The following KPNA3 variants were observed in gnomAD, a reference collection of about 807,000 sequenced individuals.
KPNA3 encodes the protein importin subunit alpha-4.
KPNA3 carries 13 observed loss-of-function variants against 73.8 expected under a neutral mutation model. The observed-to-expected ratio is 0.18, with a 90% CI of 0.11 to 0.28. KPNA3 has a LOEUF of 0.28. Ranked by LOEUF, KPNA3 falls within the 10% of genes least tolerant of loss-of-function variation. The pLI is 1.00. For synonymous variants in KPNA3, 186 were observed against 206.9 expected, an observed-to-expected ratio of 0.90 and a Z score of 0.87; for missense variants, 360 against 618.1, an observed-to-expected ratio of 0.58 and a Z score of 4.43.
chr13:49,715,525 G>C (rs1488609020), intron 10 of KPNA3, among the ~76,000 whole-genome samples: 2 of 152,158 alleles, frequency 1.3e-5, no homozygotes, highest in Non-Finnish European at 2.9e-5. Context: ...AGGATACTGA[G>C]AAAGTCACTT....
intron 2 of KPNA3, among the ~76,000 whole-genome samples, chr13:49,736,365 T>A (rs972069143): frequency 7.9e-5 from 12 of 152,216 alleles, no homozygotes; most frequent in Non-Finnish European, 1.5e-4. Flanking sequence ...ACAAATTTTT[T>A]AAAATAACAC....
In KPNA3 at chr13:49,700,825, A is replaced by G. The variant is rs1954140077; in HGVS notation, c.*975T>C. 1 of 152,442 alleles carries G rather than the reference A, an allele frequency of 6.6e-6. No individual in the cohort carries two copies. The highest frequency in any genetic ancestry group is 6.5e-5 in the Admixed American group (1 of 15,278). The allele number at this position is 152,442 out of a possible 1,614,324, so 9.4% of individuals were successfully genotyped here. ...TCCAATTATCAAATTAAAACAAAGA[A>G]TATTAACTCCTGAAAGCTGAAAGCA... On this transcript the variant is annotated 3_prime_UTR_variant, in exon 17 of 17. Coordinates refer to ENST00000261667, the MANE Select transcript of KPNA3 (RefSeq NM_002267.4).
intron 2 of KPNA3, 67 bp from the exon 3 acceptor site, chr13:49,733,113 C>G (rs1028586171): frequency 8.5e-6 from 8 of 937,452 alleles, no homozygotes; most frequent in Non-Finnish European, 1.4e-5. Flanking sequence ...TCCATTAAAA[C>G]TACTTCAACT....
chr13:49,730,017 C>A (rs956911719), intron 6 of KPNA3, among the ~76,000 whole-genome samples: 2 of 152,140 alleles, frequency 1.3e-5, no homozygotes, highest in African/African-American at 2.4e-5. Context: ...CTTCCCATGA[C>A]AAATCCATAA....
intron 10 of KPNA3, among the ~76,000 whole-genome samples, chr13:49,717,781 T>C (rs1269255060): frequency 3.9e-5 from 6 of 152,218 alleles, no homozygotes; most frequent in Admixed American, 1.3e-4. Context: ...ACTCAATAAA[T>C]GGTAACTATG....
chr13:49,776,318 C>T (rs1409435043), intron 1 of KPNA3, among the ~76,000 whole-genome samples: 1 of 152,198 alleles, frequency 6.6e-6, no homozygotes, highest in Non-Finnish European at 1.5e-5. Flanking sequence ...CTGTTGTTAC[C>T]AGCCATAGTC....
At chr13:49,750,269 A>G (rs1954650747) in intron 1 of KPNA3, among the ~76,000 whole-genome samples, 1 of 152,220 alleles carries the variant, frequency 6.6e-6, no homozygotes, top group African/African-American at 2.4e-5. Flanking sequence ...AAGTGGTTAC[A>G]TTATAAATGA....
intron 1 of KPNA3, among the ~76,000 whole-genome samples, chr13:49,751,106 A>G (rs932223726): frequency 1.3e-5 from 2 of 152,236 alleles, no homozygotes; most frequent in Admixed American, 6.5e-5. Context: ...ATATGTGCAT[A>G]TGTGTGTTAA....
chr13:49,748,561 C>T (rs1954637273), intron 1 of KPNA3, among the ~76,000 whole-genome samples: 1 of 151,886 alleles, frequency 6.6e-6, no homozygotes, highest in Non-Finnish European at 1.5e-5. Flanking sequence ...TCTTAAACCA[C>T]AGTGATCTTC....
At chr13:49,751,571 C>T (rs907098593) in intron 1 of KPNA3, among the ~76,000 whole-genome samples, 8 of 152,076 alleles carry the variant, frequency 5.3e-5, no homozygotes, top group South Asian at 2.1e-4. Context: ...CTGCCCCACA[C>T]AAAAAATGTC....
At chr13:49,780,833 G>A (rs766299652) in intron 1 of KPNA3, among the ~76,000 whole-genome samples, 21 of 149,776 alleles carry the variant, frequency 1.4e-4, no homozygotes, top group African/African-American at 2.0e-4. Flanking sequence ...CGATTCTCCT[G>A]CCTCAGCCTC....
chr13:49,776,267 A>T (rs1028725031), intron 1 of KPNA3, among the ~76,000 whole-genome samples: 1 of 152,122 alleles, frequency 6.6e-6, no homozygotes, highest in Admixed American at 6.6e-5. Flanking sequence ...TTCCAAGCAA[A>T]AACAAGGTTT....
chr13:49,706,203 C>G (rs747866376), intron 13 of KPNA3, 34 bp from the exon 14 acceptor site: 5 of 1,610,868 alleles, frequency 3.1e-6, no homozygotes, highest in Non-Finnish European at 3.4e-6. Flanking sequence ...AAAATGGACT[C>G]TTTATCCAAA....
At chr13:49,726,085 A>G (rs554596735) in intron 6 of KPNA3, among the ~76,000 whole-genome samples, 18 of 152,184 alleles carry the variant, frequency 1.2e-4, no homozygotes, top group Non-Finnish European at 2.2e-4. Context: ...TCTAATCAAT[A>G]TATCATGTCG....
intron 15 of KPNA3, 102 bp downstream of exon 15, chr13:49,705,519 C>A: frequency 8.6e-7 from 1 of 1,166,916 alleles, no homozygotes; most frequent in Non-Finnish European, 1.2e-6. Flanking sequence ...CATTTAAAAA[C>A]AACGTATCCT....
chr13:49,723,163 G>A (rs907974870), intron 7 of KPNA3, among the ~76,000 whole-genome samples: 3 of 151,520 alleles, frequency 2.0e-5, no homozygotes, highest in South Asian at 4.2e-4. Flanking sequence ...ACAACTTTAC[G>A]GAGATATAAT....
chr13:49,707,196 A>G (rs1203852837), intron 12 of KPNA3, among the ~76,000 whole-genome samples: 1 of 152,234 alleles, frequency 6.6e-6, no homozygotes, highest in Non-Finnish European at 1.5e-5. Flanking sequence ...GCATGGGTCT[A>G]TATAACATAA....
intron 1 of KPNA3, among the ~76,000 whole-genome samples, chr13:49,773,818 T>C (rs749596013): frequency 6.6e-6 from 1 of 152,118 alleles, no homozygotes; most frequent in Non-Finnish European, 1.5e-5. Flanking sequence ...AAAACAACTC[T>C]AGGCACCAGA....
At position 49,736,002 on chromosome 13, in the gene KPNA3, A is replaced by C. The variant is rs1594442949; in HGVS notation, c.115-2956T>G. ...AAACTTGTGGAGCAAGTTTGATGCCAATTCTTTTAAATCTTATGAAAAGGA... is the reference window on the plus strand; with the variant it reads ...AAACTTGTGGAGCAAGTTTGATGCCCATTCTTTTAAATCTTATGAAAAGGA... On this transcript the variant is annotated intron_variant, in intron 2 of 16. Transcript: ENST00000261667. Among the ~76,000 whole-genome samples, 3 of 152,328 alleles carry C rather than the reference A, an allele frequency of 2.0e-5. No homozygotes were observed. The East Asian group carries it at 5.8e-4, about 29-fold the overall frequency.
Sources: gnomAD v4.1 joint callset for allele counts (sites outside exome capture counted in the v4.1 genomes callset) on GRCh38, gnomAD v4.1.1 for gene constraint, MANE v1.5 for transcripts, NCBI Gene and HGNC (gene_info 2026-07-23, HGNC 2026-07-21) for gene names.